Variants in CEP128 observed in about 807,000 individuals in gnomAD.
CEP128 encodes centrosomal protein 128, also known as centrosomal protein 128kDa.
CEP128 carries 132 observed loss-of-function variants against 156.7 expected under a neutral mutation model. The observed-to-expected ratio is 0.84, with a 90% CI of 0.73 to 0.97. The LOEUF (loss-of-function observed/expected upper bound fraction) is 0.97, where lower values mean the gene tolerates loss of function less well. Ranked by LOEUF, CEP128 falls within the 50% of genes least tolerant of loss-of-function variation. The pLI is 0.00. For synonymous variants in CEP128, 469 were observed against 448.9 expected (o/e 1.04, Z -0.57); for missense variants, 1,252 against 1,281.9 (o/e 0.98, Z 0.36).
At chr14:80,652,855 T>G (rs1344786411) in intron 19 of CEP128, among the ~76,000 whole-genome samples, 2 of 152,150 alleles carry the variant, frequency 1.3e-5, no homozygotes, top group East Asian at 3.8e-4. Flanking sequence ...ACCCAAAGGA[T>G]TATAAATCAT....
intron 13 of CEP128, among the ~76,000 whole-genome samples, chr14:80,813,394 T>C (rs1343879216): frequency 1.3e-5 from 2 of 152,146 alleles, no homozygotes; most frequent in Non-Finnish European, 2.9e-5. Context: ...TTTTGTATAT[T>C]TGAAATTTGT....
chr14:80,688,128 T>G (rs937043412), intron 19 of CEP128, among the ~76,000 whole-genome samples: 1 of 152,144 alleles, frequency 6.6e-6, no homozygotes, highest in Non-Finnish European at 1.5e-5. Flanking sequence ...TTTAATATCA[T>G]TATGCAATAT....
At chr14:80,672,611 T>C (rs1287702369) in intron 19 of CEP128, among the ~76,000 whole-genome samples, 1 of 152,186 alleles carries the variant, frequency 6.6e-6, no homozygotes, top group Non-Finnish European at 1.5e-5. Flanking sequence ...GGTCCCTTGA[T>C]TTTCACTGTC....
intron 2 of CEP128, among the ~76,000 whole-genome samples, chr14:80,929,490 T>C (rs982498874): frequency 1.3e-5 from 2 of 152,136 alleles, no homozygotes; most frequent in African/African-American, 4.8e-5. Flanking sequence ...AACTGATGAG[T>C]GCATAAGGAA....
chr14:80,891,951 C>T (rs1889122062), intron 8 of CEP128, among the ~76,000 whole-genome samples: 1 of 151,472 alleles, frequency 6.6e-6, no homozygotes, highest in Non-Finnish European at 1.5e-5. Flanking sequence ...ATATTCCATC[C>T]TCATGAATCA....
At chr14:80,791,012 A>T (rs974425681) in intron 14 of CEP128, among the ~76,000 whole-genome samples, 5 of 152,148 alleles carry the variant, frequency 3.3e-5, no homozygotes, top group African/African-American at 1.2e-4. Flanking sequence ...TAGCCCTAAA[A>T]ATCAAAAAGA....
chr14:80,552,645 A>G (rs552855128), intron 21 of CEP128, among the ~76,000 whole-genome samples: 29 of 152,278 alleles, frequency 1.9e-4, no homozygotes, highest in Middle Eastern at 6.8e-3. Context: ...TGTGGTTTTA[A>G]TTAGTGCCTC....
At chr14:80,878,159 C>T (rs79035394) in intron 8 of CEP128, among the ~76,000 whole-genome samples, 8,164 of 152,190 alleles carry the variant, frequency 0.054, 223 homozygotes, top group Non-Finnish European at 0.064. Context: ...CACCTTCCAG[C>T]ACACAGGTGA....
At chr14:80,866,079 C>T (rs1887754411) in intron 8 of CEP128, among the ~76,000 whole-genome samples, 1 of 152,106 alleles carries the variant, frequency 6.6e-6, no homozygotes, top group South Asian at 2.1e-4. Context: ...ACCCAGTATA[C>T]AGGTCAGCCC....
chr14:80,841,208 C>T (rs1460031345), intron 9 of CEP128, among the ~76,000 whole-genome samples: 2 of 152,110 alleles, frequency 1.3e-5, no homozygotes, highest in Non-Finnish European at 2.9e-5. Context: ...TTGGAACTGT[C>T]TTTCATAATA....
intron 10 of CEP128, 118 bp from the exon 11 acceptor site, chr14:80,838,396 A>C (rs1886192852): frequency 1.6e-6 from 1 of 640,642 alleles, no homozygotes. Context: ...ATTTACAGCT[A>C]ATATAAAAGA....
intron 19 of CEP128, among the ~76,000 whole-genome samples, chr14:80,668,090 T>C (rs1411665643): frequency 6.6e-6 from 1 of 152,156 alleles, no homozygotes; most frequent in East Asian, 1.9e-4. Context: ...TTACGTGAAG[T>C]AACACACTTA....
chr14:80,801,802 G>T (rs1336459588), intron 13 of CEP128, among the ~76,000 whole-genome samples: 1 of 150,810 alleles, frequency 6.6e-6, no homozygotes, highest in Non-Finnish European at 1.5e-5. Flanking sequence ...CAGCTACTTG[G>T]GAGGCTGAGG....
chr14:80,899,937 C>T lies in CEP128; in HGVS notation c.572+1G>A, dbSNP rs1299459491. ...CCATAAAAACCATAGGCTGCTTTTA[C>T]CGGCTCCTTCTGGAAAGCTCCCTGT... is the stretch of plus-strand genomic sequence containing the variant. On this transcript the variant is annotated splice_donor_variant, in intron 7 of 24. Transcript: ENST00000555265. LOFTEE classifies it high-confidence loss of function. The T allele has an allele frequency of 1.9e-6, 3 of 1,608,124 alleles. No homozygotes were observed. Among genetic ancestry groups the T allele is most frequent in the Non-Finnish European group, 2.6e-6 (3 of 1,174,880 alleles).
At chr14:80,600,390 GA>G (rs1263571503) in intron 19 of CEP128, among the ~76,000 whole-genome samples, 1 of 152,156 alleles carries the variant, frequency 6.6e-6, no homozygotes, top group African/African-American at 2.4e-5. Flanking sequence ...AGCAGTGAGA[GA>G]AAAGTGACTT....
intron 15 of CEP128, among the ~76,000 whole-genome samples, chr14:80,781,578 T>G (rs1311191887): frequency 6.6e-6 from 1 of 150,952 alleles, no homozygotes; most frequent in Non-Finnish European, 1.5e-5. Context: ...GGTTTTTCAG[T>G]AGAAAGTGAC....
At chr14:80,679,882 G>A (rs1269831606) in intron 19 of CEP128, among the ~76,000 whole-genome samples, 1 of 152,166 alleles carries the variant, frequency 6.6e-6, no homozygotes, top group African/African-American at 2.4e-5. Context: ...CGGAGGCCCA[G>A]CTGTAAAATT....
At chr14:80,678,056 ATATATATG>A (rs1896155322) in intron 19 of CEP128, among the ~76,000 whole-genome samples, 4 of 56,792 alleles carry the variant, frequency 7.0e-5, no homozygotes, top group Non-Finnish European at 1.9e-4. Flanking sequence ...AAAAATATAT[ATATATATG>A]TATATATATA....
In CEP128 at chr14:80,831,187, C is replaced by G. The variant is rs1194936783; in HGVS notation, c.1165G>C (p.Glu389Gln). 8.7e-6 allele frequency: 14 copies of G among 1,613,912 alleles called. No homozygotes were observed. The highest frequency in any genetic ancestry group is 5.0e-5 in the Admixed American group (3 of 59,986). The change falls in exon 13 of 25, where the codon GAG becomes CAG. Residue 389 changes from glutamate to glutamine, a missense_variant. By Grantham distance (29) the Glu-to-Gln change is conservative. Transcript: ENST00000555265. ...TGTGCTTTCTCCTTGTCTTTTCTCT[C>G]CATGCACCGTTTCACTTCCTCTAAC... is the stretch of plus-strand genomic sequence containing the variant. ...SELEEVKRCM[E>Q]RKDKEKAHLA...
Sources: allele counts gnomAD v4.1 joint callset (sites outside exome capture counted in the v4.1 genomes callset), GRCh38; gene constraint gnomAD v4.1.1; transcripts MANE v1.5; gene names NCBI Gene and HGNC (gene_info 2026-07-23, HGNC 2026-07-21).